The following PTPRD variants were observed in gnomAD, a reference collection of about 807,000 sequenced individuals.
PTPRD encodes protein tyrosine phosphatase receptor type D.
In PTPRD, 34 loss-of-function variants were observed where a neutral mutation model predicts 214.5. The ratio of observed to expected loss-of-function variants is 0.16; its 90% confidence interval spans 0.12 to 0.21. PTPRD has a LOEUF of 0.21. Among genes scored for constraint, PTPRD ranks in the 10% least tolerant of loss-of-function variants. The pLI is 1.00. For synonymous variants in PTPRD, 1,128 were observed against 845.7 expected, an observed-to-expected ratio of 1.33 and a Z score of -5.79; for missense variants, 2,545 against 2,398.7, an observed-to-expected ratio of 1.06 and a Z score of -1.27.
chr9:10,410,286 ATATATAAT>A (rs1214137799), intron 2 of PTPRD, among the ~76,000 whole-genome samples: 2 of 116,018 alleles, frequency 1.7e-5, no homozygotes, highest in East Asian at 1.1e-3. Flanking sequence ...CACACACACA[ATATATAAT>A]ATATATAATA....
intron 39 of PTPRD, among the ~76,000 whole-genome samples, chr9:8,361,649 G>A (rs2078515752): frequency 6.6e-6 from 1 of 152,176 alleles, no homozygotes; most frequent in Non-Finnish European, 1.5e-5. Context: ...TGGCAGTTAT[G>A]TAATGAGTTT....
In PTPRD at chr9:9,918,746, C is replaced by T. The variant is rs377636870; in HGVS notation, c.-368+19761G>A. Among the ~76,000 whole-genome samples, 221 of 152,162 alleles carry T rather than the reference C, an allele frequency of 1.5e-3. 1 individual carries two copies. Among genetic ancestry groups the T allele is most frequent in the South Asian group, 9.5e-3 (46 of 4,820 alleles). On this transcript the variant is annotated intron_variant, in intron 5 of 45. Transcript: ENST00000381196. ...CCAATAGAGAATGCAGAAATTAATC[C>T]ACGTATCTATAGCCATCTGATTTTT...
chr9:8,326,955 C>T (rs1306664594), intron 44 of PTPRD, among the ~76,000 whole-genome samples: 2 of 146,536 alleles, frequency 1.4e-5, no homozygotes, highest in Non-Finnish European at 1.5e-5. Context: ...TCTTTTCTAT[C>T]TATTTTGTTG....
At chr9:8,387,853 C>T (rs1168297670) in intron 37 of PTPRD, among the ~76,000 whole-genome samples, 1 of 152,098 alleles carries the variant, frequency 6.6e-6, no homozygotes, top group African/African-American at 2.4e-5. Flanking sequence ...CTATTATATC[C>T]AAGATCACTT....
At chr9:9,325,939 T>A (rs968492175) in intron 9 of PTPRD, among the ~76,000 whole-genome samples, 2 of 152,244 alleles carry the variant, frequency 1.3e-5, no homozygotes, top group African/African-American at 4.8e-5. Flanking sequence ...TTTCTGCTTC[T>A]ATTGAGATAA....
In PTPRD at chr9:8,564,199, G is replaced by C. The variant is rs138894289; in HGVS notation, c.353-35420C>G. ...TCCTGATTATTTTTTCTAACTGTTA[G>C]CTAATGTAAGTATTCTAAGCATGTT... On this transcript the variant is annotated intron_variant, in intron 14 of 45. Transcript: ENST00000381196. 3.4e-3 allele frequency among the ~76,000 whole-genome samples: 511 copies of C among 152,220 alleles called. 2 individuals are homozygous for C. The highest frequency in any genetic ancestry group is 6.0e-3 in the South Asian group (29 of 4,820).
At chr9:8,992,738 TTAAA>T (rs779840781) in intron 11 of PTPRD, among the ~76,000 whole-genome samples, 115 of 152,288 alleles carry the variant, frequency 7.6e-4, no homozygotes, top group Non-Finnish European at 1.3e-3. Context: ...AGTCCTTTGC[TTAAA>T]TATTTATCAG....
At chr9:9,739,136 T>G (rs1325172222) in intron 6 of PTPRD, among the ~76,000 whole-genome samples, 1 of 152,196 alleles carries the variant, frequency 6.6e-6, no homozygotes. Flanking sequence ...TAAAAAGGCA[T>G]GCATGTGTGT....
rs116011687 is a variant in PTPRD at position 10,606,541 on chromosome 9, T to G, written c.-600+5857A>C. ...TACTTCTTCTTTATTTTCTTTTTTTTTTTTTCTGTTTCTGTGCTCTAAATT... is the reference window on the plus strand; with the variant it reads ...TACTTCTTCTTTATTTTCTTTTTTTGTTTTTCTGTTTCTGTGCTCTAAATT... On this transcript the variant is annotated intron_variant, in intron 2 of 45. Coordinates refer to ENST00000381196, the MANE Select transcript of PTPRD (RefSeq NM_002839.4). Among the ~76,000 whole-genome samples, 718 of 151,648 alleles carry G rather than the reference T, an allele frequency of 4.7e-3. 9 individuals carry two copies. Among genetic ancestry groups the G allele is most frequent in the African/African-American group, 0.016 (644 of 41,468 alleles).
intron 5 of PTPRD, among the ~76,000 whole-genome samples, chr9:9,917,536 T>C (rs1246515116): frequency 6.6e-6 from 1 of 151,408 alleles, no homozygotes; most frequent in Non-Finnish European, 1.5e-5. Context: ...CCAATTCTTT[T>C]CAAGCTATTC....
chr9:8,497,294 G>A (rs1466158815), intron 25 of PTPRD, 26 bp from the exon 26 acceptor site: 4 of 1,575,626 alleles, frequency 2.5e-6, no homozygotes, highest in Admixed American at 1.9e-5. Context: ...AAGGTTGGGA[G>A]GAAAACAAAA....
intron 11 of PTPRD, among the ~76,000 whole-genome samples, chr9:8,996,686 T>C (rs965267719): frequency 6.6e-6 from 1 of 152,078 alleles, no homozygotes; most frequent in Non-Finnish European, 1.5e-5. Flanking sequence ...TGTCCTCACA[T>C]GGCAGAAGGG....
chr9:9,238,216 C>T (rs1346847076), intron 9 of PTPRD, among the ~76,000 whole-genome samples: 1 of 152,118 alleles, frequency 6.6e-6, no homozygotes, highest in Non-Finnish European at 1.5e-5. Flanking sequence ...ATAAGTTTCT[C>T]TCAGGTCTGA....
rs377017959 is a variant in PTPRD, at chr9:9,548,100, A to G, written c.-237+26632T>C. On this transcript the variant is annotated intron_variant, in intron 8 of 45. Coordinates refer to ENST00000381196, the MANE Select transcript of PTPRD (RefSeq NM_002839.4). The stretch of plus-strand genomic sequence containing the variant: ...GATATTTGCTGAGCAATGTAATACA[A>G]TTTGTCATCAGCAGATATGCACTTC... Among the ~76,000 whole-genome samples, 3 of 152,006 alleles carry G rather than the reference A, an allele frequency of 2.0e-5. No homozygotes were observed. The East Asian group carries it at 5.8e-4, about 30-fold the overall frequency.
intron 11 of PTPRD, among the ~76,000 whole-genome samples, chr9:8,924,472 G>A (rs1164230101): frequency 3.3e-5 from 5 of 152,030 alleles, no homozygotes; most frequent in African/African-American, 9.7e-5. Flanking sequence ...ATCAATTTGC[G>A]GAATTTAGAG....
chr9:8,589,274 G>T (rs1347427334), intron 14 of PTPRD, among the ~76,000 whole-genome samples: 2 of 152,256 alleles, frequency 1.3e-5, no homozygotes, highest in East Asian at 3.9e-4. Flanking sequence ...CTGCTTCTCA[G>T]ATAAGTACAA....
intron 14 of PTPRD, among the ~76,000 whole-genome samples, chr9:8,616,118 C>T (rs1448804387): frequency 6.6e-6 from 1 of 152,122 alleles, no homozygotes; most frequent in Admixed American, 6.6e-5. Flanking sequence ...TGTTGATCTA[C>T]TATTGACACA....
At chr9:9,709,105 A>G (rs932508467) in intron 7 of PTPRD, among the ~76,000 whole-genome samples, 3 of 152,004 alleles carry the variant, frequency 2.0e-5, no homozygotes, top group African/African-American at 7.2e-5. Context: ...AAATTGGCAT[A>G]TAAGTTATAA....
intron 3 of PTPRD, among the ~76,000 whole-genome samples, chr9:10,231,087 G>C (rs935315801): frequency 2.0e-5 from 3 of 151,920 alleles, no homozygotes; most frequent in African/African-American, 7.2e-5. Context: ...AAATGGAAAA[G>C]CTTCAAAAGC....
Sources: gnomAD v4.1 joint callset for allele counts (sites outside exome capture counted in the v4.1 genomes callset) on GRCh38, gnomAD v4.1.1 for gene constraint, MANE v1.5 for transcripts, NCBI Gene and HGNC (gene_info 2026-07-23, HGNC 2026-07-21) for gene names.